The following PCDH17 variants were observed in gnomAD, a reference collection of about 807,000 sequenced individuals.
PCDH17 encodes protocadherin 17.
PCDH17 carries 21 observed loss-of-function variants against 67.7 expected under a neutral mutation model. The observed-to-expected ratio is 0.31, with a 90% CI of 0.22 to 0.45. PCDH17 has a LOEUF of 0.45. Ranked by LOEUF, PCDH17 falls within the 20% of genes least tolerant of loss-of-function variation. PCDH17 has a pLI of 1.00. For missense variants in PCDH17, 1,471 were observed against 1,564.8 expected, an observed-to-expected ratio of 0.94 and a Z score of 1.01; for synonymous variants, 701 against 656.7, an observed-to-expected ratio of 1.07 and a Z score of -1.03.
intron 3 of PCDH17, among the ~76,000 whole-genome samples, chr13:57,686,469 T>C (rs1955509147): frequency 6.6e-6 from 1 of 151,830 alleles, no homozygotes; most frequent in African/African-American, 2.4e-5. Flanking sequence ...TACAAACAAA[T>C]TGTAGGAGAG....
In PCDH17 at chr13:57,632,959, A is replaced by C; in HGVS notation, c.413A>C (p.Glu138Ala). The C allele has an allele frequency of 6.2e-7, 1 of 1,613,828 alleles. No homozygotes were observed. Among genetic ancestry groups the C allele is most frequent in the Middle Eastern group, 1.7e-4 (1 of 6,060 alleles). ...CCCTCCTTCTCCTCGGACCAGATCG[A>C]AATGGACATCTCGGAGAACGCTGCT... ...NAPSFSSDQI[E>A]MDISENAAPG... The change falls in exon 1 of 4, where the codon GAA becomes GCA. Residue 138 changes from glutamate to alanine, a missense_variant. By Grantham distance (107) the Glu-to-Ala change is moderately radical. Around this residue, in one of 3 missense-constraint regions of PCDH17, gnomAD observed 1,163 missense variants for 1,230.0 expected, o/e 0.95. Coordinates refer to ENST00000377918, the MANE Select transcript of PCDH17 (RefSeq NM_001040429.3).
chr13:57,680,528 A>G (rs1419682559), intron 3 of PCDH17, among the ~76,000 whole-genome samples: 1 of 151,768 alleles, frequency 6.6e-6, no homozygotes, highest in African/African-American at 2.4e-5. Flanking sequence ...ACAGACAGCA[A>G]CAAAACTTTA....
Position 57,725,319 on chromosome 13 carries a change from G to T in PCDH17, c.*25G>T. The T allele has an allele frequency of 6.4e-7, 1 of 1,552,164 alleles. No individual in the cohort carries two copies. Among genetic ancestry groups the T allele is most frequent in the Non-Finnish European group, 8.8e-7 (1 of 1,140,718 alleles). ...AAAAAAGAAAAAAAAAAAGGCATTG[G>T]CATTTTCTTGTCTCTTCTGTTGATT... On this transcript the variant is annotated 3_prime_UTR_variant, in exon 4 of 4. Transcript: ENST00000377918.
At position 57,727,492 on chromosome 13, in the gene PCDH17, A is replaced by G. The variant is rs1447337973; in HGVS notation, c.*2198A>G. The G allele has an allele frequency of 6.6e-6, 1 of 152,170 alleles. No individual in the cohort carries two copies. The highest frequency in any genetic ancestry group is 1.5e-5 in the Non-Finnish European group (1 of 68,006). The allele number at this position is 152,170 out of a possible 1,614,324, so 9.4% of individuals were successfully genotyped here. On this transcript the variant is annotated 3_prime_UTR_variant, in exon 4 of 4. Transcript: ENST00000377918. ...AAATGCCATCAATATTTTAGACTGTACCTCGTTTGCAAAACTGCTTTGAGA... is the reference window on the plus strand; with the variant it reads ...AAATGCCATCAATATTTTAGACTGTGCCTCGTTTGCAAAACTGCTTTGAGA...
intron 3 of PCDH17, among the ~76,000 whole-genome samples, chr13:57,706,367 C>T (rs1022035349): frequency 6.6e-6 from 1 of 152,134 alleles, no homozygotes; most frequent in Non-Finnish European, 1.5e-5. Flanking sequence ...TATCTTTCCA[C>T]AGTCTACTTT....
At position 57,633,619 on chromosome 13, in the gene PCDH17, AG is replaced by A; in HGVS notation, c.1078del (p.Ala360ArgfsTer2). ...APSIGFVSVRQGALSEAAPPG... is the reference protein window; with the variant it reads ...APSIGFVSVRXGALSEAAPPG... ...TCCATCGGTTTCGTCTCCGTGCGCC[AG>A]GGGGCGCTGAGCGAGGCCGCCCCTC... is the stretch of plus-strand genomic sequence containing the variant. On this transcript the variant is annotated frameshift_variant, in exon 1 of 4. Transcript: ENST00000377918. LOFTEE classifies it high-confidence loss of function. This position sits in a 1 kb window ranked among gnomAD's most constrained non-coding sequence, Gnocchi z 6.2. The A allele has an allele frequency of 1.2e-6, 2 of 1,611,342 alleles. No individual in the cohort carries two copies.
chr13:57,667,883 ATT>A (rs1277601338), intron 3 of PCDH17, among the ~76,000 whole-genome samples: 4 of 58,792 alleles, frequency 6.8e-5, no homozygotes, highest in Non-Finnish European at 1.6e-4. Context: ...ATATATACTT[ATT>A]TATATATATT....
intron 3 of PCDH17, among the ~76,000 whole-genome samples, chr13:57,712,447 GA>G (rs1955785117): frequency 6.6e-6 from 1 of 151,656 alleles, no homozygotes; most frequent in Non-Finnish European, 1.5e-5. Context: ...GCATTATAAA[GA>G]AATGTGCTGT....
intron 3 of PCDH17, among the ~76,000 whole-genome samples, chr13:57,694,450 C>A (rs779444697): frequency 1.3e-5 from 2 of 150,962 alleles, no homozygotes; most frequent in African/African-American, 2.4e-5. Flanking sequence ...CCTGTGCATT[C>A]GTGTATATAC....
At chr13:57,645,027 A>G (rs762282150) in intron 1 of PCDH17, among the ~76,000 whole-genome samples, 33 of 151,782 alleles carry the variant, frequency 2.2e-4, no homozygotes, top group Non-Finnish European at 4.6e-4. Flanking sequence ...GCAGTAAAAA[A>G]TATATTAATA....
chr13:57,646,461 A>T (rs2807636), intron 1 of PCDH17, among the ~76,000 whole-genome samples: 3 of 151,538 alleles, frequency 2.0e-5, no homozygotes, highest in Admixed American at 6.6e-5. Context: ...TGTATTATTT[A>T]GTACTTTTAA....
intron 3 of PCDH17, among the ~76,000 whole-genome samples, chr13:57,707,889 A>T (rs1469493520): frequency 6.6e-6 from 1 of 151,936 alleles, no homozygotes; most frequent in Non-Finnish European, 1.5e-5. Flanking sequence ...AAGTCTTTGG[A>T]TTAAGGCCAA....
chr13:57,717,517 G>C (rs1477591449), intron 3 of PCDH17, among the ~76,000 whole-genome samples: 1 of 151,952 alleles, frequency 6.6e-6, no homozygotes, highest in Non-Finnish European at 1.5e-5. Context: ...AAGGTGTGCA[G>C]GTGCATTGAA....
chr13:57,709,934 T>A lies in PCDH17; in HGVS notation c.2798-14678T>A, dbSNP rs1207595161. Among the ~76,000 whole-genome samples the A allele has an allele frequency of 2.6e-5, 4 of 152,066 alleles. No individual in the cohort carries two copies. In the East Asian group the frequency reaches 7.7e-4, roughly 29 times the overall value. ...GTTTCTGCATTAATGCTCTTAGTAT[T>A]TCCGGAAAAGCTGTATAGTGTTAAC... On this transcript the variant is annotated intron_variant, in intron 3 of 3. Transcript: ENST00000377918.
intron 3 of PCDH17, among the ~76,000 whole-genome samples, chr13:57,686,533 T>G (rs1420797696): frequency 6.6e-6 from 1 of 151,962 alleles, no homozygotes; most frequent in Non-Finnish European, 1.5e-5. Flanking sequence ...TAAAGTGATA[T>G]GAACCAGAAT....
At chr13:57,712,298 C>T (rs1274394646) in intron 3 of PCDH17, among the ~76,000 whole-genome samples, 1 of 151,610 alleles carries the variant, frequency 6.6e-6, no homozygotes, top group Non-Finnish European at 1.5e-5. Flanking sequence ...TAAATTCAAG[C>T]TTTTTTCTCC....
At chr13:57,645,878 C>T (rs958711127) in intron 1 of PCDH17, among the ~76,000 whole-genome samples, 5 of 151,202 alleles carry the variant, frequency 3.3e-5, no homozygotes, top group Non-Finnish European at 7.4e-5. Flanking sequence ...TACCCAACCT[C>T]AGTCAGTTAT....
At chr13:57,665,951 A>G (rs1955247913) in intron 1 of PCDH17, among the ~76,000 whole-genome samples, 2 of 152,200 alleles carry the variant, frequency 1.3e-5, no homozygotes, top group African/African-American at 4.8e-5. Context: ...GAGTTCAACC[A>G]TATGTGAGAT....
intron 3 of PCDH17, among the ~76,000 whole-genome samples, chr13:57,702,690 C>T (rs908532065): frequency 3.3e-5 from 5 of 152,162 alleles, no homozygotes; most frequent in Non-Finnish European, 7.3e-5. Flanking sequence ...CCACTGTGCT[C>T]TCCAAGTACT....
Sources: gnomAD v4.1 joint callset for allele counts (sites outside exome capture counted in the v4.1 genomes callset) on GRCh38, gnomAD v4.1.1 for gene constraint, gnomAD v4.1.1 regional missense constraint, Gnocchi (gnomAD v3.1) non-coding constraint, MANE v1.5 for transcripts, NCBI Gene and HGNC (gene_info 2026-07-23, HGNC 2026-07-21) for gene names.